NFATC1: variants seen among roughly 807,000 people sequenced by gnomAD.
The protein encoded by NFATC1 is nuclear factor of activated T-cells, cytoplasmic 1.
NFATC1 carries 22 observed loss-of-function variants against 76.0 expected under a neutral mutation model. That is an observed-to-expected ratio of 0.29 (90% CI 0.21 to 0.41). NFATC1 has a LOEUF of 0.41. Among genes scored for constraint, NFATC1 ranks in the 10% least tolerant of loss-of-function variants. The probability of loss-of-function intolerance (pLI) is 1.00; values close to 1 mark genes in which losing one functional copy is unlikely to be tolerated. For synonymous variants in NFATC1, 704 were observed against 613.1 expected, an observed-to-expected ratio of 1.15 and a Z score of -2.19; for missense variants, 1,357 against 1,337.7, an observed-to-expected ratio of 1.01 and a Z score of -0.23.
rs538850229 is a variant in NFATC1, at chr18:79,528,644, A to G, written c.*1067A>G. The G allele has an allele frequency of 2.0e-5, 3 of 152,374 alleles. No individual in the cohort carries two copies. Among genetic ancestry groups the G allele is most frequent in the African/African-American group, 7.2e-5 (3 of 41,592 alleles). 9.4% of individuals were successfully genotyped at this position (152,374 alleles called of 1,614,324 possible). A position where few individuals can be genotyped will look rare whatever the true frequency, so the allele number is the denominator to read the frequency against. On this transcript the variant is annotated 3_prime_UTR_variant, in exon 10 of 10. Coordinates refer to ENST00000427363, the MANE Select transcript of NFATC1 (RefSeq NM_001278669.2). ...ACATTAGAAAGTGATTGTAAATAACATGCAACCTAAGTGTAATATATTTGT... is the reference window on the plus strand; with the variant it reads ...ACATTAGAAAGTGATTGTAAATAACGTGCAACCTAAGTGTAATATATTTGT...
At chr18:79,497,541 A>T (rs371010) in intron 9 of NFATC1, 5 of 152,152 alleles carry the variant, frequency 3.3e-5, no homozygotes, top group Admixed American at 1.3e-4. Context: ...AGTCGTGATC[A>T]TGGGAGCTGC....
intron 2 of NFATC1, among the ~76,000 whole-genome samples, chr18:79,415,138 G>A (rs906596939): frequency 2.0e-5 from 3 of 152,152 alleles, no homozygotes; most frequent in Non-Finnish European, 2.9e-5. Context: ...GAGTCTCCAC[G>A]TGTCTCACTC....
At chr18:79,517,566 C>T (rs1428483559) in intron 9 of NFATC1, among the ~76,000 whole-genome samples, 3 of 152,154 alleles carry the variant, frequency 2.0e-5, no homozygotes, top group East Asian at 1.9e-4. Flanking sequence ...CCCCGTAGGC[C>T]GTGGGTGGCA....
At chr18:79,409,972 G>A (rs745732147) in intron 1 of NFATC1, 71 of 528,424 alleles carry the variant, frequency 1.3e-4, no homozygotes, top group Non-Finnish European at 1.9e-4. Flanking sequence ...AATGAAGATG[G>A]GGTGGTTGAG....
chr18:79,432,913 C>A (rs1362782085), intron 2 of NFATC1, among the ~76,000 whole-genome samples: 1 of 152,220 alleles, frequency 6.6e-6, no homozygotes. Context: ...TGAGGACAGC[C>A]CCAGCACCTG....
intron 3 of NFATC1, among the ~76,000 whole-genome samples, chr18:79,444,596 G>C (rs1393247260): frequency 1.3e-5 from 2 of 152,148 alleles, no homozygotes; most frequent in Non-Finnish European, 2.9e-5. Flanking sequence ...CCAGGTCTGG[G>C]CCGGTTTACA....
At chr18:79,407,789 A>G (rs1199502883) in intron 1 of NFATC1, among the ~76,000 whole-genome samples, 1 of 152,158 alleles carries the variant, frequency 6.6e-6, no homozygotes, top group African/African-American at 2.4e-5. Context: ...CCGGTGCAGG[A>G]GACTGCGTGG....
chr18:79,482,270 A>C (rs1473494411), intron 8 of NFATC1, among the ~76,000 whole-genome samples: 12 of 104,186 alleles, frequency 1.2e-4, no homozygotes, highest in Admixed American at 3.1e-4. Context: ...CCTGGGGTGT[A>C]ATTCCAGTGT....
chr18:79,525,946 A>G (rs2090749999), intron 9 of NFATC1, among the ~76,000 whole-genome samples: 1 of 152,250 alleles, frequency 6.6e-6, no homozygotes, highest in Admixed American at 6.5e-5. Context: ...CGTGCCACAG[A>G]TGCCAAGCAC....
chr18:79,408,419 T>C (rs938512119), intron 1 of NFATC1, among the ~76,000 whole-genome samples: 3 of 152,246 alleles, frequency 2.0e-5, no homozygotes, highest in Non-Finnish European at 4.4e-5. Flanking sequence ...AGGCACGTCT[T>C]TCCTGTTAAA....
intron 6 of NFATC1, among the ~76,000 whole-genome samples, chr18:79,460,185 C>T (rs1435719349): frequency 2.6e-5 from 4 of 152,212 alleles, no homozygotes. Context: ...ACCCTCCACC[C>T]AGGCAGCAGC....
intron 9 of NFATC1, among the ~76,000 whole-genome samples, chr18:79,490,866 G>T (rs1032931060): frequency 7.9e-5 from 12 of 152,152 alleles, no homozygotes; most frequent in Non-Finnish European, 1.8e-4. Context: ...CACACCCCAG[G>T]CTCACAAACG....
rs374729603 is a variant in NFATC1, at chr18:79,525,860, C to T, written c.2783-1668C>T. On this transcript the variant is annotated intron_variant, in intron 9 of 9. Coordinates refer to ENST00000427363, the MANE Select transcript of NFATC1 (RefSeq NM_001278669.2). ...GTGGCTCCTCCTGCCTCTTTGCAGA[C>T]GTCTTTTGTAGCAAGGCTGAACCAG... 1.4e-3 allele frequency among the ~76,000 whole-genome samples: 210 copies of T among 152,312 alleles called. 2 individuals are homozygous for T. The highest frequency in any genetic ancestry group is 4.9e-3 in the African/African-American group (203 of 41,568).
rs774194752 is a variant in NFATC1, at chr18:79,486,727, C to T, written c.2572C>T (p.Pro858Ser). The change falls in exon 9 of 10, where the codon CCG becomes TCG. Residue 858 changes from proline (P) to serine (S), a missense_variant. Transcript: ENST00000427363. ...TCCACTCCCGCCTGCCACCCAAGAG[C>T]CGACCTGCCTGCAGCCCTGCAGCCC... ...SPPLPPATQE[P>S]TCLQPCSPAC... The T allele has an allele frequency of 1.3e-5, 21 of 1,598,452 alleles. No homozygotes were observed. The South Asian group carries it at 2.2e-4, about 17-fold the overall frequency.
intron 1 of NFATC1, chr18:79,400,184 C>T (rs2085141160): frequency 8.9e-7 from 1 of 1,126,450 alleles, no homozygotes; most frequent in Non-Finnish European, 1.1e-6. Context: ...AAACTCGTGT[C>T]CGGGGAGTTT....
chr18:79,405,374 T>C (rs2085400203), intron 1 of NFATC1, among the ~76,000 whole-genome samples: 1 of 152,236 alleles, frequency 6.6e-6, no homozygotes. Context: ...TCTGTGGTGG[T>C]GTCTGACGTG....
In NFATC1 at chr18:79,411,443, C is replaced by T; in HGVS notation, c.1168C>T (p.Pro390Ser). 1.3e-6 allele frequency: 2 copies of T among 1,522,884 alleles called. No homozygotes were observed. Among genetic ancestry groups the T allele is most frequent in the Non-Finnish European group, 8.8e-7 (1 of 1,138,794 alleles). The allele number at this position is 1,522,884 out of a possible 1,614,324, so 94.3% of individuals were successfully genotyped here. A position where few individuals can be genotyped will look rare whatever the true frequency, so the allele number is the denominator to read the frequency against. The change falls in exon 2 of 10, where the codon CCG becomes TCG. Residue 390 changes from proline (P) to serine (S), a missense_variant. By Grantham distance (74) the Pro-to-Ser change is moderately conservative. This residue lies in a region of NFATC1 where 691 missense variants were observed against 613.1 expected (regional missense o/e 1.13). Transcript: ENST00000427363. ...CTTCTGCGACCAGTACCTGGCGGTG[C>T]CGCAGCACCCCTACCAGTGGGCGAA... Reference protein sequence around the residue: ...GGFCDQYLAVPQHPYQWAKPK... With the variant: ...GGFCDQYLAVSQHPYQWAKPK...
At chr18:79,499,519 C>T (rs1365937673) in intron 9 of NFATC1, among the ~76,000 whole-genome samples, 3 of 152,106 alleles carry the variant, frequency 2.0e-5, no homozygotes, top group Admixed American at 6.5e-5. Context: ...ATAATCCTAC[C>T]GTATCAATAA....
intron 1 of NFATC1, among the ~76,000 whole-genome samples, chr18:79,409,148 CGTCATCCATCT>C (rs1568921291): frequency 1.3e-5 from 1 of 76,828 alleles, no homozygotes; most frequent in Non-Finnish European, 3.5e-5. Flanking sequence ...TCCATCCATC[CGTCATCCATCT>C]ATCCATCATC....
Sources: allele counts gnomAD v4.1 joint callset (sites outside exome capture counted in the v4.1 genomes callset), GRCh38; gene constraint gnomAD v4.1.1; regional missense constraint gnomAD v4.1.1; transcripts MANE v1.5; gene names NCBI Gene and HGNC (gene_info 2026-07-23, HGNC 2026-07-21).